Variants in ZNF439 observed in about 807,000 individuals in gnomAD.
ZNF439 encodes the protein zinc finger protein 439.
A neutral mutation model predicts 47.3 loss-of-function variants in ZNF439; 40 were observed. The ratio of observed to expected loss-of-function variants is 0.85; its 90% CI spans 0.66 to 1.10. ZNF439 has a LOEUF of 1.10. Among genes scored for constraint, ZNF439 ranks in the 50% least tolerant of loss-of-function variants. ZNF439 has a pLI of 0.00. For synonymous variants in ZNF439, 171 were observed against 198.8 expected (o/e 0.86, Z 1.18); for missense variants, 556 against 601.1 (o/e 0.93, Z 0.78).
At chr19:11,851,555 G>A (rs1003947432) in intron 1 of ZNF439, among the ~76,000 whole-genome samples, 1 of 152,048 alleles carries the variant, frequency 6.6e-6, no homozygotes, top group African/African-American at 2.4e-5. Context: ...TCTTTCTCTG[G>A]CTCCCCTAGG....
At chr19:11,861,245 C>G (rs1976531877) in intron 1 of ZNF439, among the ~76,000 whole-genome samples, 1 of 152,236 alleles carries the variant, frequency 6.6e-6, no homozygotes, top group Non-Finnish European at 1.5e-5. Context: ...TGCCTCTCCT[C>G]CTCTTATCTT....
At chr19:11,855,284 A>G (rs1976355071) in intron 1 of ZNF439, among the ~76,000 whole-genome samples, 1 of 152,162 alleles carries the variant, frequency 6.6e-6, no homozygotes, top group Non-Finnish European at 1.5e-5. Flanking sequence ...ATTGTTTTCT[A>G]TGGGCCAAGA....
In ZNF439 at chr19:11,852,406, G is replaced by C. The variant is rs115878636; in HGVS notation, c.63+3476G>C. Among the ~76,000 whole-genome samples, 973 of 152,334 alleles carry C rather than the reference G, an allele frequency of 6.4e-3. 9 individuals carry two copies. The highest frequency in any genetic ancestry group is 0.023 in the African/African-American group (951 of 41,556). On this transcript the variant is annotated intron_variant, in intron 1 of 3. Coordinates refer to ENST00000682736, the MANE Select transcript of ZNF439 (RefSeq NM_001348719.2). The stretch of plus-strand genomic sequence containing the variant: ...ATCAAGGAAAGAGGTGTTCCAGCTG[G>C]CTATTTGAAAGCTGTGTGTCATGTG...
intron 1 of ZNF439, chr19:11,849,186 C>T (rs961010111): frequency 9.3e-7 from 1 of 1,075,818 alleles, no homozygotes; most frequent in Non-Finnish European, 1.1e-6. Context: ...CCCGACGCCC[C>T]AGCTTGTGCG....
chr19:11,856,035 A>C (rs1440487035), intron 1 of ZNF439: 1 of 152,236 alleles, frequency 6.6e-6, no homozygotes, highest in Non-Finnish European at 1.5e-5. Context: ...TAGAAACACA[A>C]GCATACCTTC....
chr19:11,849,171 C>A, intron 1 of ZNF439: 1 of 1,077,408 alleles, frequency 9.3e-7, no homozygotes, highest in Non-Finnish European at 1.1e-6. Context: ...GCTCCGCGCC[C>A]GCAGCCCGAC....
Position 11,848,881 on chromosome 19 carries a change from C to G in ZNF439, c.14C>G (p.Thr5Ser). The G allele has an allele frequency of 1.3e-6, 2 of 1,571,614 alleles. No individual in the cohort carries two copies. The highest frequency in any genetic ancestry group is 2.2e-5 in the South Asian group (2 of 90,530). Residue 5 changes from threonine to serine, a missense_variant, in exon 1 of 4, where the codon ACT (threonine) becomes AGT (serine). Physicochemically the swap from Thr to Ser is moderately conservative, Grantham distance 58. Transcript: ENST00000682736. MPCF[T>S]HRSCREDPGT... is the part of the protein sequence containing the mutation. ...GTCACCTGCGCTATGCCCTGCTTTA[C>G]TCACAGGAGCTGTAGAGAGGACCCC...
chr19:11,854,455 A>G (rs886594662), intron 1 of ZNF439, among the ~76,000 whole-genome samples: 1 of 152,214 alleles, frequency 6.6e-6, no homozygotes, highest in Non-Finnish European at 1.5e-5. Flanking sequence ...AAAATCATCA[A>G]AGTAGAGATA....
At chr19:11,860,864 G>A (rs1210331484) in intron 1 of ZNF439, among the ~76,000 whole-genome samples, 4 of 152,130 alleles carry the variant, frequency 2.6e-5, no homozygotes, top group South Asian at 2.1e-4. Flanking sequence ...ACCTTCTGGC[G>A]GCAGGTGCAG....
Position 11,867,442 on chromosome 19 carries a change from G to C in ZNF439, c.388G>C (p.Val130Leu). 1.2e-6 allele frequency: 2 copies of C among 1,614,116 alleles called. No homozygotes were observed. Among genetic ancestry groups the C allele is most frequent in the Non-Finnish European group, 1.7e-6 (2 of 1,179,978 alleles). Residue 130 changes from valine (V) to leucine (L), a missense_variant, in exon 4 of 4, where the codon GTG becomes CTG. By Grantham distance (32) the Val-to-Leu change is conservative. Transcript: ENST00000682736. ...SPEVKSCDSF[V>L]CEVGLGNSSS... ...TGAAGTAAAATCATGTGACAGCTTT[G>C]TGTGTGAAGTTGGCCTAGGTAACTC...
rs1327398407 is a variant in ZNF439, at chr19:11,868,899, A to G, written c.*330A>G. The G allele has an allele frequency of 2.7e-6, 1 of 364,298 alleles. No homozygotes were observed. Among genetic ancestry groups the G allele is most frequent in the East Asian group, 6.5e-5 (1 of 15,392 alleles). The allele number at this position is 364,298 out of a possible 1,614,324, so 22.6% of individuals were successfully genotyped here. ...AAGTTGCACAGAGGAGAGGCGCCCTAAGAATGTAAGCATTGTGGGAAAGCA... is the reference window on the plus strand; with the variant it reads ...AAGTTGCACAGAGGAGAGGCGCCCTGAGAATGTAAGCATTGTGGGAAAGCA... On this transcript the variant is annotated 3_prime_UTR_variant, in exon 4 of 4. Transcript: ENST00000682736.
intron 2 of ZNF439, 69 bp from the exon 3 acceptor site, chr19:11,866,468 G>A: frequency 6.2e-7 from 1 of 1,603,280 alleles, no homozygotes; most frequent in Non-Finnish European, 8.5e-7. Flanking sequence ...TAAATCATGG[G>A]CATAGGTCTA....
intron 1 of ZNF439, among the ~76,000 whole-genome samples, chr19:11,864,980 A>G (rs1159108397): frequency 6.6e-6 from 1 of 152,028 alleles, no homozygotes; most frequent in Non-Finnish European, 1.5e-5. Context: ...AGGTTTCTCT[A>G]TGTTGGTCAC....
chr19:11,867,051 C>T (rs1029634333), intron 3 of ZNF439, among the ~76,000 whole-genome samples: 1 of 152,162 alleles, frequency 6.6e-6, no homozygotes, highest in Admixed American at 6.6e-5. Flanking sequence ...AGAAAAATGA[C>T]ACAGAGTATT....
chr19:11,860,080 G>T (rs1976499251), intron 1 of ZNF439, among the ~76,000 whole-genome samples: 1 of 152,050 alleles, frequency 6.6e-6, no homozygotes, highest in Admixed American at 6.6e-5. Context: ...CAGAAACCAT[G>T]GGTTATGCAT....
chr19:11,867,944 A>G lies in ZNF439; in HGVS notation c.890A>G (p.His297Arg), dbSNP rs759453963. 3.1e-6 allele frequency: 5 copies of G among 1,614,182 alleles called. No individual in the cohort carries two copies. In the East Asian group the frequency reaches 1.1e-4, roughly 36 times the overall value. Reference protein sequence around the residue: ...PRSCHRHERSHMGEKAYQCKE... With the variant: ...PRSCHRHERSRMGEKAYQCKE... The stretch of plus-strand genomic sequence containing the variant: ...TCCTGTCACAGACATGAAAGGAGTC[A>G]CATGGGAGAGAAGGCTTATCAATGT... Residue 297 changes from histidine to arginine, a missense_variant, in exon 4 of 4, where the codon CAC (histidine) becomes CGC (arginine). By Grantham distance (29) the His-to-Arg change is conservative. Transcript: ENST00000682736.
chr19:11,855,314 G>C (rs1445736899), intron 1 of ZNF439, among the ~76,000 whole-genome samples: 1 of 152,172 alleles, frequency 6.6e-6, no homozygotes, highest in Admixed American at 6.5e-5. Flanking sequence ...CATGGAGGGG[G>C]GTAGGAACTA....
At chr19:11,851,482 T>C (rs1436099423) in intron 1 of ZNF439, among the ~76,000 whole-genome samples, 2 of 152,152 alleles carry the variant, frequency 1.3e-5, no homozygotes, top group African/African-American at 2.4e-5. Flanking sequence ...GGAAACATTT[T>C]ATGACTATGG....
intron 1 of ZNF439, among the ~76,000 whole-genome samples, chr19:11,852,538 C>G (rs1365481421): frequency 6.6e-6 from 1 of 152,142 alleles, no homozygotes; most frequent in African/African-American, 2.4e-5. Flanking sequence ...GAGACGGGGT[C>G]TCACTCTGTC....
Sources: gnomAD v4.1 joint callset for allele counts (sites outside exome capture counted in the v4.1 genomes callset) on GRCh38, gnomAD v4.1.1 for gene constraint, MANE v1.5 for transcripts, NCBI Gene and HGNC (gene_info 2026-07-23, HGNC 2026-07-21) for gene names.